Variants in NRXN3 observed in about 807,000 individuals in gnomAD.
The protein encoded by NRXN3 is neurexin 3, also known as neurexin III.
Under a neutral mutation model 137.6 loss-of-function variants are expected in NRXN3, and 32 were observed. That is an observed-to-expected ratio of 0.23 (90% CI 0.18 to 0.31). The LOEUF is 0.31. NRXN3 is among the 10% of genes least tolerant of loss of function. The pLI, the probability that NRXN3 is intolerant of heterozygous loss-of-function variation, is 1.00. For synonymous variants in NRXN3, 798 were observed against 784.5 expected, an observed-to-expected ratio of 1.02 and a Z score of -0.29; for missense variants, 1,574 against 2,062.5, an observed-to-expected ratio of 0.76 and a Z score of 4.59.
chr14:78,351,624 C>T (rs2083503587), intron 4 of NRXN3, among the ~76,000 whole-genome samples: 1 of 152,002 alleles, frequency 6.6e-6, no homozygotes, highest in Non-Finnish European at 1.5e-5. Flanking sequence ...GTTATTTGTT[C>T]ATATGCTTTG....
At chr14:78,624,796 A>T (rs906963811) in intron 4 of NRXN3, among the ~76,000 whole-genome samples, 1 of 149,094 alleles carries the variant, frequency 6.7e-6, no homozygotes, top group African/African-American at 2.5e-5. Flanking sequence ...TGACCCCTTG[A>T]CTTCCTGTTC....
At chr14:79,841,385 G>A (rs953202915) in intron 20 of NRXN3, among the ~76,000 whole-genome samples, 8 of 152,194 alleles carry the variant, frequency 5.3e-5, no homozygotes, top group African/African-American at 1.7e-4. Context: ...ACCACCCAAC[G>A]GGATCCCAGC....
At chr14:78,182,776 A>G (rs1285596520) in intron 1 of NRXN3, among the ~76,000 whole-genome samples, 5 of 152,302 alleles carry the variant, frequency 3.3e-5, no homozygotes, top group Middle Eastern at 3.4e-3. Context: ...TGGCCTATCA[A>G]AATTATCTCA....
chr14:79,208,178 A>G (rs2067079398), intron 15 of NRXN3, among the ~76,000 whole-genome samples: 1 of 152,158 alleles, frequency 6.6e-6, no homozygotes, highest in East Asian at 1.9e-4. Flanking sequence ...TGGAACCCGC[A>G]ATTCAAAACA....
chr14:79,736,532 G>A (rs553778659), intron 19 of NRXN3, among the ~76,000 whole-genome samples: 2 of 152,274 alleles, frequency 1.3e-5, no homozygotes, highest in Admixed American at 1.3e-4. Context: ...GTTATGTGTA[G>A]ATGTGTGTTG....
chr14:79,418,711 G>A (rs949402016), intron 15 of NRXN3, among the ~76,000 whole-genome samples: 1 of 152,160 alleles, frequency 6.6e-6, no homozygotes, highest in Non-Finnish European at 1.5e-5. Context: ...CGTCACAAAA[G>A]GACCCTCGTG....
At chr14:78,440,240 C>T (rs1247980520) in intron 4 of NRXN3, among the ~76,000 whole-genome samples, 1 of 152,202 alleles carries the variant, frequency 6.6e-6, no homozygotes, top group Non-Finnish European at 1.5e-5. Context: ...CCATATCTCT[C>T]AAACCAGACA....
At chr14:78,194,191 C>T (rs1281501069) in intron 1 of NRXN3, among the ~76,000 whole-genome samples, 1 of 152,198 alleles carries the variant, frequency 6.6e-6, no homozygotes, top group East Asian at 1.9e-4. Flanking sequence ...CAGATTCATC[C>T]CATTGCAGCC....
chr14:79,296,389 T>A (rs2153468356), intron 15 of NRXN3, among the ~76,000 whole-genome samples: 1 of 151,822 alleles, frequency 6.6e-6, no homozygotes, highest in Non-Finnish European at 1.5e-5. Context: ...AAACTTTATA[T>A]CATGTTTTGA....
At chr14:79,799,347 C>T (rs2099170063) in intron 19 of NRXN3, among the ~76,000 whole-genome samples, 1 of 152,124 alleles carries the variant, frequency 6.6e-6, no homozygotes, top group Admixed American at 6.5e-5. Flanking sequence ...AGTTAAGGTG[C>T]TTAATATGCA....
At chr14:78,617,887 G>A (rs931946213) in intron 4 of NRXN3, among the ~76,000 whole-genome samples, 1 of 144,884 alleles carries the variant, frequency 6.9e-6, no homozygotes, top group African/African-American at 2.5e-5. Context: ...TGGTGCAAAA[G>A]TAATTGCGGT....
At position 79,358,593 on chromosome 14, in the gene NRXN3, A is replaced by AAGAG. The variant is rs1555397352; in HGVS notation, c.3263-108625_3263-108624insGAGA. The stretch of plus-strand genomic sequence containing the variant: ...AAAAAAAGAAAGAAAGAGAGAAAGA[A>AAGAG]AGAAAGAAAGAAAGAGAAAGAAAGA... On this transcript the variant is annotated intron_variant, in intron 15 of 20. Coordinates refer to ENST00000335750, the MANE Select transcript of NRXN3 (RefSeq NM_001330195.2). 4.6e-5 allele frequency among the ~76,000 whole-genome samples: 4 copies of AAGAG among 87,190 alleles called. No individual in the cohort carries two copies. The Admixed American group carries it at 5.8e-4, about 13-fold the overall frequency. The allele number at this position is 87,190 out of a possible 152,430, so 57.2% of individuals were successfully genotyped here.
chr14:79,685,321 A>G (rs1318394800), intron 17 of NRXN3, among the ~76,000 whole-genome samples: 1 of 152,010 alleles, frequency 6.6e-6, no homozygotes, highest in Non-Finnish European at 1.5e-5. Context: ...AAATGCACTA[A>G]GACATGGCTA....
intron 10 of NRXN3, among the ~76,000 whole-genome samples, chr14:78,892,047 C>T (rs771415987): frequency 4.0e-4 from 61 of 151,814 alleles, no homozygotes; most frequent in Non-Finnish European, 1.3e-4. Context: ...GTCTCTGGCT[C>T]GGCAGTGTTG....
intron 4 of NRXN3, among the ~76,000 whole-genome samples, chr14:78,611,547 A>G (rs1422402080): frequency 6.6e-6 from 1 of 151,608 alleles, no homozygotes; most frequent in African/African-American, 2.4e-5. Flanking sequence ...TTGCTTTTTC[A>G]TTTGGAGGGT....
intron 16 of NRXN3, among the ~76,000 whole-genome samples, chr14:79,532,307 T>C (rs911458748): frequency 6.6e-6 from 1 of 152,316 alleles, no homozygotes; most frequent in South Asian, 2.1e-4. Flanking sequence ...TAATTAAATT[T>C]CATATATAAA....
intron 19 of NRXN3, among the ~76,000 whole-genome samples, chr14:79,767,623 T>C (rs770056657): frequency 2.6e-5 from 4 of 152,220 alleles, no homozygotes; most frequent in Admixed American, 6.5e-5. Flanking sequence ...CCTATACTGT[T>C]CTAAACACAT....
chr14:78,925,744 A>C (rs1339860892), intron 10 of NRXN3, among the ~76,000 whole-genome samples: 1 of 152,290 alleles, frequency 6.6e-6, no homozygotes, highest in East Asian at 1.9e-4. Flanking sequence ...CTATATGCTA[A>C]GTACGAGGCC....
At chr14:78,400,038 G>T (rs575412054) in intron 4 of NRXN3, among the ~76,000 whole-genome samples, 1 of 152,274 alleles carries the variant, frequency 6.6e-6, no homozygotes, top group Non-Finnish European at 1.5e-5. Flanking sequence ...TAATTGACCA[G>T]TCTGTGTTTT....
Sources: gnomAD v4.1 joint callset for allele counts (sites outside exome capture counted in the v4.1 genomes callset) on GRCh38, gnomAD v4.1.1 for gene constraint, MANE v1.5 for transcripts, NCBI Gene and HGNC (gene_info 2026-07-23, HGNC 2026-07-21) for gene names.